The following POLI variants were observed in gnomAD, a reference collection of about 807,000 sequenced individuals.
POLI encodes the protein DNA polymerase iota, also known as RAD30 homolog B.
In POLI, 58 loss-of-function variants were observed where a neutral mutation model predicts 51.6. The ratio of observed to expected loss-of-function variants is 1.12; its 90% CI spans 0.91 to 1.40. The LOEUF (loss-of-function observed/expected upper bound fraction) is 1.40, where lower values mean the gene tolerates loss of function less well. Ranked by LOEUF, POLI falls within the 40% of genes most tolerant of loss-of-function variation. The pLI is 0.00. For synonymous variants in POLI, 322 were observed against 299.7 expected (o/e 1.07, Z -0.77); for missense variants, 921 against 871.3 (o/e 1.06, Z -0.72).
chr18:54,281,071 A>G (rs2144512484), intron 5 of POLI, among the ~76,000 whole-genome samples, 168 bp downstream of exon 5: 1 of 152,176 alleles, frequency 6.6e-6, no homozygotes, highest in East Asian at 1.9e-4. Flanking sequence ...GAAAAACTGT[A>G]ATGTTTTCTC....
chr18:54,306,695 A>G (rs2088591665), intron 3 of POLI, among the ~76,000 whole-genome samples: 1 of 152,208 alleles, frequency 6.6e-6, no homozygotes, highest in African/African-American at 2.4e-5. Context: ...CTGTGAATTC[A>G]TCTGTTCCTG....
At chr18:54,288,286 A>C (rs1314247853) in intron 8 of POLI, among the ~76,000 whole-genome samples, 1 of 152,158 alleles carries the variant, frequency 6.6e-6, no homozygotes, top group African/African-American at 2.4e-5. Context: ...TATATGTAAA[A>C]ATTCTTTGCC....
At chr18:54,316,733 T>A (rs898274874) in intron 3 of POLI, among the ~76,000 whole-genome samples, 3 of 152,212 alleles carry the variant, frequency 2.0e-5, no homozygotes, top group Non-Finnish European at 2.9e-5. Flanking sequence ...TAAGAAGTTC[T>A]TATGAAATAT....
Position 54,274,010 on chromosome 18 carries a change from C to T in POLI, c.326C>T (p.Ala109Val). The T allele has an allele frequency of 6.3e-7, 1 of 1,583,014 alleles. No individual in the cohort carries two copies. ...AAGAAACTTATGAATGTCAGAGATG[C>T]AAAAGAAAAGTGTCCACAGTTGGTA... ...GVKKLMNVRDAKEKCPQLVLV... is the reference protein window; with the variant it reads ...GVKKLMNVRDVKEKCPQLVLV... The change falls in exon 3 of 10, where the codon GCA becomes GTA. Residue 109 changes from alanine to valine, a missense_variant. Physicochemically the swap from Ala to Val is moderately conservative, Grantham distance 64 (BLOSUM62 0). Coordinates refer to ENST00000579534, the MANE Select transcript of POLI (RefSeq NM_007195.3).
chr18:54,276,212 T>TAAAAAAAAAAA (rs572325782), intron 3 of POLI, among the ~76,000 whole-genome samples: 3 of 143,018 alleles, frequency 2.1e-5, no homozygotes, highest in Admixed American at 7.0e-5. Context: ...CTACAAAAGT[T>TAAAAAAAAAAA]AAAAAAAAAA....
Position 54,294,378 on chromosome 18 carries a change from G to C in POLI, c.2134G>C (p.Val712Leu), listed in dbSNP as rs1292940953. 4 of 1,613,436 alleles carry C rather than the reference G, an allele frequency of 2.5e-6. No individual in the cohort carries two copies. Among genetic ancestry groups the C allele is most frequent in the Admixed American group, 1.7e-5 (1 of 59,942 alleles). The change falls in exon 10 of 10, where the codon GTT becomes CTT. Residue 712 changes from valine to leucine, a missense_variant. Transcript: ENST00000579534. ...ITFPSDIDPQVFYELPEAVQK... is the reference protein window; with the variant it reads ...ITFPSDIDPQLFYELPEAVQK... ...TTTCCCTTCTGACATTGATCCTCAA[G>C]TTTTCTATGAACTACCAGAAGCAGT... is the stretch of plus-strand genomic sequence containing the variant.
chr18:54,304,337 C>T (rs1184821835), intron 3 of POLI, among the ~76,000 whole-genome samples: 1 of 152,230 alleles, frequency 6.6e-6, no homozygotes, highest in African/African-American at 2.4e-5. Context: ...AATCACCACA[C>T]TGTCATCCAC....
chr18:54,320,134 A>G (rs1272028931), intron 3 of POLI: 2 of 152,198 alleles, frequency 1.3e-5, no homozygotes, highest in African/African-American at 4.8e-5. Flanking sequence ...GGAAAATAAC[A>G]CTCAGAATCC....
chr18:54,293,815 C>T lies in POLI; in HGVS notation c.1571C>T (p.Pro524Leu). Residue 524 changes from proline to leucine, a missense_variant, in exon 10 of 10, where the codon CCT (proline) becomes CTT (leucine). By Grantham distance (98) the Pro-to-Leu change is moderately conservative. Coordinates refer to ENST00000579534, the MANE Select transcript of POLI (RefSeq NM_007195.3). ...DINEFPLCSL[P>L]EGVDQEVFKQ... ...AATGAATTCCCACTCTGTTCACTTC[C>T]TGAAGGTGTTGACCAAGAAGTCTTC... is the stretch of plus-strand genomic sequence containing the variant. 1 of 1,609,146 alleles carries T rather than the reference C, an allele frequency of 6.2e-7. No individual in the cohort carries two copies. The highest frequency in any genetic ancestry group is 8.5e-7 in the Non-Finnish European group (1 of 1,177,186).
At chr18:54,281,306 C>T (rs1423226556) in intron 5 of POLI, among the ~76,000 whole-genome samples, 1 of 152,084 alleles carries the variant, frequency 6.6e-6, no homozygotes, top group Admixed American at 6.6e-5. Context: ...AATGGACTTT[C>T]CAAAACATCT....
chr18:54,289,070 T>G (rs1459374495), intron 8 of POLI, among the ~76,000 whole-genome samples: 1 of 152,144 alleles, frequency 6.6e-6, no homozygotes, highest in Non-Finnish European at 1.5e-5. Flanking sequence ...AACTCTGGAT[T>G]TACAATTTTT....
At chr18:54,304,773 C>G (rs903384448) in intron 3 of POLI, among the ~76,000 whole-genome samples, 1 of 152,108 alleles carries the variant, frequency 6.6e-6, no homozygotes, top group Non-Finnish European at 1.5e-5. Flanking sequence ...TAATTAGATC[C>G]CATTTGTCAA....
chr18:54,289,578 T>C (rs1036987230), intron 8 of POLI, among the ~76,000 whole-genome samples: 1 of 150,776 alleles, frequency 6.6e-6, no homozygotes, highest in African/African-American at 2.4e-5. Flanking sequence ...CTTCAAACTA[T>C]ACTACAAGGC....
intron 8 of POLI, among the ~76,000 whole-genome samples, chr18:54,290,285 G>A (rs148348130): frequency 5.9e-5 from 9 of 151,816 alleles, no homozygotes; most frequent in Non-Finnish European, 8.8e-5. Context: ...TGAGATACCA[G>A]CTCATGCCAG....
chr18:54,282,413 C>A (rs1311458619), intron 5 of POLI, among the ~76,000 whole-genome samples: 1 of 152,118 alleles, frequency 6.6e-6, no homozygotes, highest in African/African-American at 2.4e-5. Flanking sequence ...ATACAGTAGT[C>A]CCCCATTATC....
At chr18:54,287,167 T>C (rs2087784765) in intron 7 of POLI, 114 bp from the exon 8 acceptor site, 5 of 640,362 alleles carry the variant, frequency 7.8e-6, no homozygotes, top group Non-Finnish European at 1.3e-5. Flanking sequence ...ATCTGCTATA[T>C]GTATAATTGT....
chr18:54,303,919 C>T (rs369085927), intron 3 of POLI, among the ~76,000 whole-genome samples: 2 of 151,940 alleles, frequency 1.3e-5, no homozygotes. Flanking sequence ...CCCATCCCCC[C>T]ACCCCACAAT....
chr18:54,296,132 CTT>C lies in POLI; in HGVS notation c.*1666_*1667del. On this transcript the variant is annotated 3_prime_UTR_variant, in exon 10 of 10. Transcript: ENST00000579534. ...TGAGTATTCCAGTAAGGTAATTAAACTTATGAAAAGGGTATATAACTTTTTGT... is the reference window on the plus strand; with the variant it reads ...TGAGTATTCCAGTAAGGTAATTAAACATGAAAAGGGTATATAACTTTTTGT... 2 of 982,360 alleles carry C rather than the reference CTT, an allele frequency of 2.0e-6. No homozygotes were observed. The highest frequency in any genetic ancestry group is 2.4e-6 in the Non-Finnish European group (2 of 827,244). 60.9% of individuals were successfully genotyped at this position (982,360 alleles called of 1,614,324 possible).
chr18:54,300,309 G>T (rs1480119532), downstream of POLI, among the ~76,000 whole-genome samples: 1 of 152,046 alleles, frequency 6.6e-6, no homozygotes, highest in Non-Finnish European at 1.5e-5. Context: ...GCCAGGAGGG[G>T]AAGTATATAA....
Sources: gnomAD v4.1 joint callset for allele counts (sites outside exome capture counted in the v4.1 genomes callset) on GRCh38, gnomAD v4.1.1 for gene constraint, MANE v1.5 for transcripts, NCBI Gene and HGNC (gene_info 2026-07-23, HGNC 2026-07-21) for gene names.